The following EPYC variants were observed in gnomAD, a reference collection of about 807,000 sequenced individuals.
EPYC encodes the protein dermatan sulfate proteoglycan 3.
In EPYC, 28 loss-of-function variants were observed where a neutral mutation model predicts 30.1. The ratio of observed to expected loss-of-function variants is 0.93; its 90% confidence interval spans 0.69 to 1.28. EPYC has a LOEUF of 1.28. Among genes scored for constraint, EPYC ranks in the 50% most tolerant of loss-of-function variants. The pLI, the probability that EPYC is intolerant of heterozygous loss-of-function variation, is 0.00. For missense variants in EPYC, 382 were observed against 383.5 expected (o/e 1.00, Z 0.03); for synonymous variants, 144 against 141.4 (o/e 1.02, Z -0.13).
chr12:90,998,450 C>T (rs141516670), intron 2 of EPYC, among the ~76,000 whole-genome samples: 536 of 152,166 alleles, frequency 3.5e-3, no homozygotes, highest in Non-Finnish European at 5.6e-3. Flanking sequence ...CACAAATAAT[C>T]AGTTTGAAAT....
At chr12:90,971,182 A>T (rs1378452572) in intron 5 of EPYC, among the ~76,000 whole-genome samples, 1 of 151,978 alleles carries the variant, frequency 6.6e-6, no homozygotes, top group Non-Finnish European at 1.5e-5. Context: ...GGCTTGTACC[A>T]CTTCCAGGTG....
At position 90,969,585 on chromosome 12, in the gene EPYC, A is replaced by T. The variant is rs770897818; in HGVS notation, c.798+459T>A. 3.2e-4 allele frequency among the ~76,000 whole-genome samples: 48 copies of T among 151,322 alleles called. 1 individual carries two copies. Among genetic ancestry groups the T allele is most frequent in the Non-Finnish European group, 2.7e-4 (18 of 67,864 alleles). ...GATGGAGCTTGCCATCTCTCAGCAC[A>T]TAGGAATGCCTTAGGACTGAATTTA... On this transcript the variant is annotated intron_variant, in intron 6 of 6. Transcript: ENST00000261172.
At chr12:90,988,352 G>A (rs766594679) in intron 2 of EPYC, among the ~76,000 whole-genome samples, 3 of 152,104 alleles carry the variant, frequency 2.0e-5, no homozygotes, top group Non-Finnish European at 4.4e-5. Flanking sequence ...AAGAAAGTAA[G>A]CTAAGGAGGT....
At chr12:90,982,202 TG>T (rs1877339280) in intron 2 of EPYC, among the ~76,000 whole-genome samples, 1 of 152,166 alleles carries the variant, frequency 6.6e-6, no homozygotes, top group Non-Finnish European at 1.5e-5. Flanking sequence ...CTCTCTTAGC[TG>T]GAATACAGCA....
chr12:90,969,947 T>A (rs1312872548), intron 6 of EPYC, 97 bp downstream of exon 6: 1 of 801,564 alleles, frequency 1.2e-6, no homozygotes, highest in East Asian at 2.4e-5. Context: ...TCACAGTGTG[T>A]CAACATGCCA....
At chr12:91,001,144 A>G (rs1020300581) in intron 2 of EPYC, among the ~76,000 whole-genome samples, 1 of 152,030 alleles carries the variant, frequency 6.6e-6, no homozygotes, top group African/African-American at 2.4e-5. Flanking sequence ...GGTGAAAGTA[A>G]GAGAGAGAAG....
chr12:91,002,356 T>G, intron 2 of EPYC, 45 bp downstream of exon 2: 1 of 1,562,418 alleles, frequency 6.4e-7, no homozygotes, highest in Non-Finnish European at 8.7e-7. Context: ...AAGTCATTCC[T>G]CATCCTATGC....
chr12:90,981,071 G>A lies in EPYC; in HGVS notation c.166-2809C>T, dbSNP rs542102386. 1.2e-4 allele frequency among the ~76,000 whole-genome samples: 19 copies of A among 152,164 alleles called. 1 individual carries two copies. In the South Asian group the frequency reaches 3.7e-3, roughly 30 times the overall value. On this transcript the variant is annotated intron_variant, in intron 2 of 6. Coordinates refer to ENST00000261172, the MANE Select transcript of EPYC (RefSeq NM_004950.5). ...ACTGTAGATAACTTATATCATGGTA[G>A]CCTTTGCTTAGGGAGTACATTCTGT...
chr12:90,991,776 G>T (rs990387968), intron 2 of EPYC, among the ~76,000 whole-genome samples: 1 of 152,130 alleles, frequency 6.6e-6, no homozygotes, highest in Non-Finnish European at 1.5e-5. Flanking sequence ...CTTAGGCACT[G>T]GGATTTTAAA....
Position 90,978,081 on chromosome 12 carries a change from AC to A in EPYC, c.340+6del, listed in dbSNP as rs1383208298. The A allele has an allele frequency of 4.5e-6, 7 of 1,556,690 alleles. No individual in the cohort carries two copies. Among genetic ancestry groups the A allele is most frequent in the Non-Finnish European group, 4.3e-6 (5 of 1,157,014 alleles). On this transcript the variant is annotated splice_donor_region_variant and intron_variant, in intron 3 of 6. Transcript: ENST00000261172. ...CTCAATTGTAATTCTGCTTTGAGGT[AC>A]CTGACCTTCATTTGTGTGTGGCCCC...
At chr12:90,970,348 A>G (rs1202344925) in intron 5 of EPYC, among the ~76,000 whole-genome samples, 1 of 152,218 alleles carries the variant, frequency 6.6e-6, no homozygotes, top group Non-Finnish European at 1.5e-5. Flanking sequence ...ATTGGCTACA[A>G]GCAAATATTT....
intron 2 of EPYC, among the ~76,000 whole-genome samples, chr12:90,999,762 A>G (rs1012597070): frequency 6.6e-6 from 1 of 152,058 alleles, no homozygotes; most frequent in African/African-American, 2.4e-5. Context: ...GACTGGATCT[A>G]TCATCTTTAC....
chr12:90,964,148 A>T lies in EPYC; in HGVS notation c.*8T>A. ...AGTAGCCATCGTAATGCTAACCATT[A>T]TCTGAAATTAGACAAGGCTCCCAAC... On this transcript the variant is annotated 3_prime_UTR_variant, in exon 7 of 7. Coordinates refer to ENST00000261172, the MANE Select transcript of EPYC (RefSeq NM_004950.5). The T allele has an allele frequency of 1.2e-6, 2 of 1,607,712 alleles. No individual in the cohort carries two copies. Among genetic ancestry groups the T allele is most frequent in the South Asian group, 1.1e-5 (1 of 90,144 alleles).
chr12:90,969,905 T>C (rs185565862), intron 6 of EPYC, 139 bp downstream of exon 6: 1 of 668,568 alleles, frequency 1.5e-6, no homozygotes, highest in East Asian at 2.5e-5. Context: ...AGAGAGAGAA[T>C]AAATGAGAAA....
chr12:90,977,545 T>C (rs556487191), intron 3 of EPYC, among the ~76,000 whole-genome samples: 1 of 152,272 alleles, frequency 6.6e-6, no homozygotes, highest in African/African-American at 2.4e-5. Context: ...TTGTGATGTC[T>C]GGCAAGTTAC....
Position 90,971,790 on chromosome 12 carries a change from T to C in EPYC, c.702+10A>G, listed in dbSNP as rs1877054762. The C allele has an allele frequency of 1.3e-6, 2 of 1,552,874 alleles. No individual in the cohort carries two copies. The highest frequency in any genetic ancestry group is 1.3e-5 in the South Asian group (1 of 78,930). On this transcript the variant is annotated intron_variant, in intron 5 of 6. Coordinates refer to ENST00000261172, the MANE Select transcript of EPYC (RefSeq NM_004950.5). Reference sequence around the variant, plus strand: ...AAGATAAAAGTCTGCATATCAAACTTAAAACTTACTTTAAATGCTTCTTGC... The same window carrying C: ...AAGATAAAAGTCTGCATATCAAACTCAAAACTTACTTTAAATGCTTCTTGC...
chr12:90,966,949 G>T (rs1033171739), intron 6 of EPYC, among the ~76,000 whole-genome samples: 3 of 151,838 alleles, frequency 2.0e-5, no homozygotes, highest in African/African-American at 7.3e-5. Context: ...TCTTATTCCT[G>T]TAAGTTTGGT....
At chr12:90,998,845 G>T (rs1877757103) in intron 2 of EPYC, among the ~76,000 whole-genome samples, 1 of 152,012 alleles carries the variant, frequency 6.6e-6, no homozygotes, top group Non-Finnish European at 1.5e-5. Context: ...GTCTCACAAG[G>T]TCAAAGTCAA....
At chr12:90,972,584 T>G (rs1877078289) in intron 4 of EPYC, 1 of 349,204 alleles carries the variant, frequency 2.9e-6, no homozygotes. Context: ...TATGCATATT[T>G]AGTTTAAATT....
Sources: allele counts gnomAD v4.1 joint callset (sites outside exome capture counted in the v4.1 genomes callset), GRCh38; gene constraint gnomAD v4.1.1; transcripts MANE v1.5; gene names NCBI Gene and HGNC (gene_info 2026-07-23, HGNC 2026-07-21).